Variants in ENOX1 observed in about 807,000 individuals in gnomAD.
The protein encoded by ENOX1 is ecto-NOX disulfide-thiol exchanger 1.
In ENOX1, 42 loss-of-function variants were observed where a neutral mutation model predicts 82.5. The observed-to-expected ratio is 0.51, with a 90% CI of 0.40 to 0.66. ENOX1 has a LOEUF of 0.66. Among genes scored for constraint, ENOX1 ranks in the 30% least tolerant of loss-of-function variants. ENOX1 has a pLI of 0.00. For missense variants in ENOX1, 608 were observed against 811.6 expected, an observed-to-expected ratio of 0.75 and a Z score of 3.05; for synonymous variants, 271 against 282.2, an observed-to-expected ratio of 0.96 and a Z score of 0.40.
intron 9 of ENOX1, among the ~76,000 whole-genome samples, chr13:43,332,274 A>G (rs529404795): frequency 6.6e-6 from 1 of 152,300 alleles, no homozygotes; most frequent in African/African-American, 2.4e-5. Context: ...TCAGATCATC[A>G]TTAGTTAGAT....
intron 3 of ENOX1, among the ~76,000 whole-genome samples, chr13:43,481,121 T>C (rs1204141774): frequency 6.6e-6 from 1 of 152,024 alleles, no homozygotes. Context: ...TAGCAACAAA[T>C]ACTAGCAAAC....
chr13:43,520,959 G>A (rs751444925), intron 2 of ENOX1, among the ~76,000 whole-genome samples: 17 of 152,228 alleles, frequency 1.1e-4, no homozygotes, highest in Non-Finnish European at 2.2e-4. Context: ...GGGAATGAGG[G>A]AAGCTCTTAG....
At chr13:43,780,091 G>A (rs1952174051) in intron 1 of ENOX1, among the ~76,000 whole-genome samples, 1 of 151,616 alleles carries the variant, frequency 6.6e-6, no homozygotes, top group African/African-American at 2.4e-5. Flanking sequence ...AACCCGGGAG[G>A]CAGAGCTTGC....
intron 3 of ENOX1, among the ~76,000 whole-genome samples, chr13:43,472,250 C>A (rs939030495): frequency 1.2e-4 from 18 of 152,152 alleles, no homozygotes; most frequent in African/African-American, 4.1e-4. Context: ...AAGCATAGAA[C>A]GTCTGTAGCC....
At chr13:43,261,948 C>A (rs1489435539) in intron 14 of ENOX1, among the ~76,000 whole-genome samples, 1 of 150,830 alleles carries the variant, frequency 6.6e-6, no homozygotes, top group African/African-American at 2.4e-5. Context: ...ATGTAACTAA[C>A]CTGCACAATG....
chr13:43,731,068 TA>T (rs943274940), intron 1 of ENOX1, among the ~76,000 whole-genome samples: 1 of 152,148 alleles, frequency 6.6e-6, no homozygotes, highest in Non-Finnish European at 1.5e-5. Context: ...GTATGCCAAA[TA>T]AATGTCTACT....
chr13:43,336,071 G>A lies in ENOX1; in HGVS notation c.1036+8467C>T, dbSNP rs145382800. ...GCAGTTATGGGGAATTTTTTCCCAT[G>A]GATGAACTACAGCAATGACTGCTAC... On this transcript the variant is annotated intron_variant, in intron 9 of 16. Transcript: ENST00000690772. 2.3e-3 allele frequency among the ~76,000 whole-genome samples: 353 copies of A among 152,282 alleles called. 12 individuals carry two copies. The South Asian group carries it at 0.048, about 21-fold the overall frequency.
Position 43,548,492 on chromosome 13 carries a change from G to A in ENOX1, c.-218-64340C>T, listed in dbSNP as rs142160055. ...CCCTCTGCATTGGCTTCATTTTTAA[G>A]TAGGTTATCTTTAACTGGAGGCAAA... On this transcript the variant is annotated intron_variant, in intron 2 of 16. Coordinates refer to ENST00000690772, the MANE Select transcript of ENOX1 (RefSeq NM_001347969.2). Among the ~76,000 whole-genome samples the A allele has an allele frequency of 2.6e-3, 397 of 152,326 alleles. 4 individuals are homozygous for A. The South Asian group carries it at 0.028, about 11-fold the overall frequency.
intron 1 of ENOX1, among the ~76,000 whole-genome samples, chr13:43,745,828 T>C (rs73189951): frequency 0.017 from 2,630 of 152,240 alleles, 63 homozygotes; most frequent in East Asian, 0.084. Flanking sequence ...TATGGTTTTA[T>C]AAGGGGCTTT....
chr13:43,235,339 T>G (rs1162706264), intron 15 of ENOX1, among the ~76,000 whole-genome samples: 1 of 152,220 alleles, frequency 6.6e-6, no homozygotes, highest in East Asian at 1.9e-4. Context: ...ATATGATGGA[T>G]GGACTCTGGA....
chr13:43,601,425 C>T (rs989933715), intron 2 of ENOX1, among the ~76,000 whole-genome samples: 1 of 151,816 alleles, frequency 6.6e-6, no homozygotes, highest in Non-Finnish European at 1.5e-5. Flanking sequence ...CTCTTAACAG[C>T]AGCATTGATC....
chr13:43,681,338 T>C (rs967626835), intron 1 of ENOX1, among the ~76,000 whole-genome samples: 1 of 152,148 alleles, frequency 6.6e-6, no homozygotes, highest in African/African-American at 2.4e-5. Flanking sequence ...CTGGGTTGTA[T>C]AGCTCTATAA....
In ENOX1 at chr13:43,667,492, GCT is replaced by G; in HGVS notation, c.-234_-233del. 1.0e-6 allele frequency: 1 copy of G among 985,472 alleles called. No individual in the cohort carries two copies. Among genetic ancestry groups the G allele is most frequent in the East Asian group, 1.1e-4 (1 of 8,950 alleles). 61.0% of individuals were successfully genotyped at this position (985,472 alleles called of 1,614,324 possible). On this transcript the variant is annotated 5_prime_UTR_variant, in exon 2 of 17. The change creates a premature stop within an existing upstream ORF in the 5' untranslated region. Coordinates refer to ENST00000690772, the MANE Select transcript of ENOX1 (RefSeq NM_001347969.2). ...CCATCCCTTTACCTGAGCATGGTGA[GCT>G]CTCTCTCCTCCACATATTATAAATA...
intron 2 of ENOX1, among the ~76,000 whole-genome samples, chr13:43,589,877 C>T (rs1464188044): frequency 7.1e-6 from 1 of 140,566 alleles, no homozygotes; most frequent in Non-Finnish European, 1.5e-5. Context: ...CCCAATGAAG[C>T]ACAGGCAAGT....
At chr13:43,471,826 A>AAAAG (rs1261879967) in intron 3 of ENOX1, among the ~76,000 whole-genome samples, 3 of 151,522 alleles carry the variant, frequency 2.0e-5, no homozygotes, top group African/African-American at 4.8e-5. Context: ...AAAAAAAAAA[A>AAAAG]AAAGAAAGAA....
intron 5 of ENOX1, among the ~76,000 whole-genome samples, chr13:43,386,268 G>T (rs1453676031): frequency 1.3e-5 from 2 of 152,190 alleles, no homozygotes; most frequent in Non-Finnish European, 2.9e-5. Context: ...CAGGATTCAT[G>T]TTACACATCC....
chr13:43,305,269 G>GAAGC (rs3043974), intron 11 of ENOX1, among the ~76,000 whole-genome samples: 144,930 of 152,076 alleles, frequency 0.95, 69,480 homozygotes, highest in East Asian at 1. Context: ...TATCACCACT[G>GAAGC]ATCAATCTTC....
At chr13:43,285,302 T>C (rs541210702) in intron 12 of ENOX1, among the ~76,000 whole-genome samples, 8 of 152,168 alleles carry the variant, frequency 5.3e-5, no homozygotes, top group Non-Finnish European at 1.2e-4. Flanking sequence ...TCTATGTTTA[T>C]ATATATATGG....
In ENOX1 at chr13:43,662,328, T is replaced by C. The variant is rs117170894; in HGVS notation, c.-219+5151A>G. ...TCTCCAGATCTGCAACTGAGAAGTC[T>C]TAAATTGAATCAAGTTTTCCAGAGG... is the stretch of plus-strand genomic sequence containing the variant. On this transcript the variant is annotated intron_variant, in intron 2 of 16. Transcript: ENST00000690772. Among the ~76,000 whole-genome samples, 73 of 152,304 alleles carry C rather than the reference T, an allele frequency of 4.8e-4. 1 individual carries two copies. In the East Asian group the frequency reaches 0.014, roughly 29 times the overall value.
Sources: gnomAD v4.1 joint callset for allele counts (sites outside exome capture counted in the v4.1 genomes callset) on GRCh38, gnomAD v4.1.1 for gene constraint, MANE v1.5 for transcripts, NCBI Gene and HGNC (gene_info 2026-07-23, HGNC 2026-07-21) for gene names.